The following PDE10A variants were observed in gnomAD, a reference collection of about 807,000 sequenced individuals.
PDE10A encodes phosphodiesterase 10A, also known as cAMP and cAMP-inhibited cGMP 3',5'-cyclic phosphodiesterase 10A.
A neutral mutation model predicts 97.7 loss-of-function variants in PDE10A; 39 were observed. That is an observed-to-expected ratio of 0.40 (90% CI 0.31 to 0.52). PDE10A has a LOEUF of 0.52. Among genes scored for constraint, PDE10A ranks in the 20% least tolerant of loss-of-function variants. The pLI, the probability that PDE10A is intolerant of heterozygous loss-of-function variation, is 0.56. For missense variants in PDE10A, 731 were observed against 1,047.8 expected (o/e 0.70, Z 4.17); for synonymous variants, 371 against 376.8 (o/e 0.98, Z 0.18).
chr6:165,418,009 T>C lies in PDE10A; in HGVS notation c.1796+626A>G, dbSNP rs1255299061. 6.6e-6 allele frequency among the ~76,000 whole-genome samples: 1 copy of C among 152,182 alleles called. No homozygotes were observed. Among genetic ancestry groups the C allele is most frequent in the Admixed American group, 6.5e-5 (1 of 15,270 alleles). On this transcript the variant is annotated intron_variant, in intron 11 of 21. Transcript: ENST00000539869. The surrounding 1 kb of genome is among the most constrained non-coding windows in gnomAD (Gnocchi z 4.8). ...TCGATTCTTAAACGTTTTGTCAGAGTGCTCCTTGTGTAGGTTTCCAGGTGC... is the reference window on the plus strand; with the variant it reads ...TCGATTCTTAAACGTTTTGTCAGAGCGCTCCTTGTGTAGGTTTCCAGGTGC...
intron 1 of PDE10A, among the ~76,000 whole-genome samples, chr6:165,600,713 T>G (rs1156624335): frequency 6.6e-6 from 1 of 152,168 alleles, no homozygotes; most frequent in Non-Finnish European, 1.5e-5. Flanking sequence ...AGCCTTTCAC[T>G]CCCACAGTAT....
At chr6:165,793,486 G>T (rs1583098563) in intron 1 of PDE10A, among the ~76,000 whole-genome samples, 1 of 152,064 alleles carries the variant, frequency 6.6e-6, no homozygotes, top group Non-Finnish European at 1.5e-5. Context: ...CCCGGGGCTG[G>T]GGGGCGTGGG....
At chr6:165,717,954 G>A (rs1481653311) in intron 1 of PDE10A, among the ~76,000 whole-genome samples, 1 of 152,116 alleles carries the variant, frequency 6.6e-6, no homozygotes, top group Non-Finnish European at 1.5e-5. Flanking sequence ...TTTTTTTGTG[G>A]TCGTTGAGTT....
At chr6:165,498,197 G>A (rs1023223220) in intron 2 of PDE10A, among the ~76,000 whole-genome samples, 30 of 151,650 alleles carry the variant, frequency 2.0e-4, no homozygotes, top group African/African-American at 6.3e-4. Context: ...GATAGCTTGA[G>A]GCCAGGAGTT....
At chr6:165,824,966 A>G (rs1779685303) in intron 1 of PDE10A, among the ~76,000 whole-genome samples, 1 of 61,536 alleles carries the variant, frequency 1.6e-5, no homozygotes, top group African/African-American at 4.1e-5. Flanking sequence ...CCCCGTCTCT[A>G]CTAAAAAAAA....
intron 1 of PDE10A, among the ~76,000 whole-genome samples, chr6:165,920,193 T>G (rs1013479856): frequency 4.6e-5 from 7 of 152,212 alleles, no homozygotes; most frequent in African/African-American, 1.7e-4. Flanking sequence ...TGGTCCATAA[T>G]TACTAAAAAA....
chr6:165,359,966 C>A (rs1183317944), intron 18 of PDE10A, among the ~76,000 whole-genome samples: 1 of 152,040 alleles, frequency 6.6e-6, no homozygotes, highest in Non-Finnish European at 1.5e-5. Flanking sequence ...ATGATGTCTC[C>A]CTTTTGAGTT....
chr6:165,452,304 C>A (rs527830694), intron 3 of PDE10A, among the ~76,000 whole-genome samples: 1 of 152,350 alleles, frequency 6.6e-6, no homozygotes, highest in African/African-American at 2.4e-5. Flanking sequence ...AGCAAAGCTG[C>A]AGAGGAATTT....
intron 1 of PDE10A, among the ~76,000 whole-genome samples, chr6:165,691,587 G>GCACACACACACA (rs1554306103): frequency 2.1e-5 from 1 of 46,592 alleles, no homozygotes; most frequent in Non-Finnish European, 8.2e-5. Flanking sequence ...GCATGCACGC[G>GCACACACACACA]CGCGCACACA....
chr6:165,509,601 T>G (rs543239368), intron 2 of PDE10A, among the ~76,000 whole-genome samples: 1 of 152,062 alleles, frequency 6.6e-6, no homozygotes, highest in South Asian at 2.1e-4. Flanking sequence ...TTTTTTTTAT[T>G]TTTGTGAAAA....
At chr6:165,553,426 A>T (rs916608455) in intron 1 of PDE10A, among the ~76,000 whole-genome samples, 6 of 152,168 alleles carry the variant, frequency 3.9e-5, no homozygotes, top group Non-Finnish European at 8.8e-5. Context: ...AGAAGGAAAA[A>T]CAGGAAGCAA....
intron 18 of PDE10A, among the ~76,000 whole-genome samples, chr6:165,374,247 T>A (rs539154582): frequency 6.6e-6 from 1 of 151,882 alleles, no homozygotes; most frequent in Admixed American, 6.5e-5. Context: ...AATAAAAAAA[T>A]TAAATCTATA....
At position 165,661,688 on chromosome 6, in the gene PDE10A, CGCCGCCCTCCCGA is replaced by C. The variant is rs1790272670; in HGVS notation, c.865+246_865+258del. On this transcript the variant is annotated intron_variant, in intron 1 of 21. Transcript: ENST00000539869. The surrounding 1 kb of genome is among the most constrained non-coding windows in gnomAD (Gnocchi z 4.8). ...GTCCCGCTCGCAACGTCCAAGCTCCCGCCGCCCTCCCGAGCCGCCCTTCCCCCGAGCGCTCGCG... is the reference window on the plus strand; with the variant it reads ...GTCCCGCTCGCAACGTCCAAGCTCCCGCCGCCCTTCCCCCGAGCGCTCGCG... 5 of 433,864 alleles carry C rather than the reference CGCCGCCCTCCCGA, an allele frequency of 1.2e-5. No individual in the cohort carries two copies. The East Asian group carries it at 1.2e-4, about 10-fold the overall frequency. 26.9% of individuals were successfully genotyped at this position (433,864 alleles called of 1,614,324 possible). A position where few individuals can be genotyped will look rare whatever the true frequency, so the allele number is the denominator to read the frequency against.
intron 1 of PDE10A, among the ~76,000 whole-genome samples, chr6:165,976,542 C>A (rs1026324977): frequency 1.3e-5 from 2 of 152,196 alleles, no homozygotes; most frequent in Non-Finnish European, 2.9e-5. Flanking sequence ...AGAGCCTTTG[C>A]CAAGGTTTCA....
intron 1 of PDE10A, among the ~76,000 whole-genome samples, chr6:165,968,388 C>T (rs1458451339): frequency 6.6e-6 from 1 of 152,194 alleles, no homozygotes; most frequent in African/African-American, 2.4e-5. Context: ...GCCTTAGTAC[C>T]ATTTTAAAAC....
At chr6:165,730,750 CA>C (rs778744017) in intron 1 of PDE10A, among the ~76,000 whole-genome samples, 101 of 122,034 alleles carry the variant, frequency 8.3e-4, no homozygotes, top group Middle Eastern at 5.7e-3. Context: ...GAGATTCCAC[CA>C]AAAAAAAAAA....
intron 1 of PDE10A, chr6:165,894,110 G>A (rs6456028): frequency 0.48 from 168,573 of 354,034 alleles, 40,975 homozygotes; most frequent in East Asian, 0.67. Flanking sequence ...AGTTTCAAAA[G>A]AGTGCTCTAA....
chr6:165,525,637 CTG>C (rs1271798687), intron 2 of PDE10A, among the ~76,000 whole-genome samples: 2 of 152,160 alleles, frequency 1.3e-5, no homozygotes, highest in African/African-American at 2.4e-5. Flanking sequence ...TTGCTCTTCT[CTG>C]TACATCAAAT....
intron 1 of PDE10A, among the ~76,000 whole-genome samples, chr6:165,900,165 G>T (rs1489835373): frequency 6.6e-6 from 1 of 152,132 alleles, no homozygotes; most frequent in Non-Finnish European, 1.5e-5. Context: ...TGTCCAGTCA[G>T]ATCATTCAAA....
Sources: allele counts gnomAD v4.1 joint callset (sites outside exome capture counted in the v4.1 genomes callset), GRCh38; gene constraint gnomAD v4.1.1; non-coding constraint Gnocchi (gnomAD v3.1); transcripts MANE v1.5; gene names NCBI Gene and HGNC (gene_info 2026-07-23, HGNC 2026-07-21).